CCDC57: variants seen among roughly 807,000 people sequenced by gnomAD.
CCDC57 encodes the protein coiled-coil domain-containing protein 57.
CCDC57 carries 118 observed loss-of-function variants against 118.9 expected under a neutral mutation model. The ratio of observed to expected loss-of-function variants is 0.99; its 90% CI spans 0.86 to 1.16. The LOEUF (loss-of-function observed/expected upper bound fraction) is 1.16. CCDC57 is among the 50% of genes most tolerant of loss of function. The probability of loss-of-function intolerance (pLI) is 0.00; values close to 1 mark genes in which losing one functional copy is unlikely to be tolerated. For synonymous variants in CCDC57, 527 were observed against 532.9 expected, an observed-to-expected ratio of 0.99 and a Z score of 0.15; for missense variants, 1,300 against 1,320.7, an observed-to-expected ratio of 0.98 and a Z score of 0.24.
At chr17:82,112,694 T>G (rs2035363370) in intron 19 of CCDC57, 1 of 152,484 alleles carries the variant, frequency 6.6e-6, no homozygotes. Context: ...CAGGCCCTGC[T>G]TCCCTCCCTG....
chr17:82,132,025 G>A (rs1388315964), intron 17 of CCDC57, among the ~76,000 whole-genome samples: 1 of 151,520 alleles, frequency 6.6e-6, no homozygotes, highest in Non-Finnish European at 1.5e-5. Context: ...GGCTGAGGCA[G>A]GAGAATGGCG....
chr17:82,195,074 G>A (rs1364188061), intron 5 of CCDC57, among the ~76,000 whole-genome samples, 189 bp downstream of exon 4: 4 of 152,264 alleles, frequency 2.6e-5, no homozygotes, highest in Middle Eastern at 3.2e-3. Context: ...CACCTTTGAC[G>A]GGAGTGCCCA....
At chr17:82,198,467 A>G (rs1472336211) in intron 3 of CCDC57, 45 bp from the exon 3 acceptor site, 2 of 1,294,158 alleles carry the variant, frequency 1.5e-6, no homozygotes, top group Non-Finnish European at 2.2e-6. Flanking sequence ...CCAAATATTC[A>G]GCAAAGGTAA....
intron 16 of CCDC57, chr17:82,135,054 T>C (rs2038953221): frequency 6.6e-6 from 1 of 152,210 alleles, no homozygotes; most frequent in South Asian, 2.1e-4. Flanking sequence ...AACAAGGTTT[T>C]TGGAGGGTGT....
intron 8 of CCDC57, among the ~76,000 whole-genome samples, chr17:82,185,391 G>A (rs1218283685): frequency 6.6e-6 from 1 of 152,050 alleles, no homozygotes; most frequent in Non-Finnish European, 1.5e-5. Context: ...GCCGAGGCAG[G>A]CAGACTGCTT....
intron 17 of CCDC57, among the ~76,000 whole-genome samples, chr17:82,132,758 GC>G (rs2038592442): frequency 2.5e-5 from 2 of 79,528 alleles, no homozygotes; most frequent in South Asian, 5.1e-4. Context: ...AGACAACCTT[GC>G]TTTTTTTTTT....
At chr17:82,128,213 T>G (rs1459099852) in intron 18 of CCDC57, among the ~76,000 whole-genome samples, 1 of 152,078 alleles carries the variant, frequency 6.6e-6, no homozygotes, top group Non-Finnish European at 1.5e-5. Context: ...TGAGCTGAAA[T>G]GCAGGGCAGA....
chr17:82,114,181 C>T (rs910519437), intron 19 of CCDC57, among the ~76,000 whole-genome samples: 20 of 152,216 alleles, frequency 1.3e-4, no homozygotes, highest in Admixed American at 8.5e-4. Flanking sequence ...TCACTGTCCC[C>T]GTTTCTTAAC....
At chr17:82,168,674 A>G (rs2146201664) in intron 13 of CCDC57, among the ~76,000 whole-genome samples, 1 of 152,296 alleles carries the variant, frequency 6.6e-6, no homozygotes, top group Non-Finnish European at 1.5e-5. Context: ...TACCACGCGA[A>G]TGCTAATCAA....
chr17:82,138,797 C>A (rs145411735), intron 16 of CCDC57, among the ~76,000 whole-genome samples: 1 of 151,896 alleles, frequency 6.6e-6, no homozygotes, highest in African/African-American at 2.4e-5. Flanking sequence ...TCCCGGGTGC[C>A]CACGGCGCTT....
chr17:82,201,758 C>T (rs372764438), exon 3 of CCDC57: 1 of 1,613,744 alleles, frequency 6.2e-7, no homozygotes, highest in Non-Finnish European at 8.5e-7. Context: ...TCCTCCAGCA[C>T]CTGAAGGTTG....
intron 16 of CCDC57, among the ~76,000 whole-genome samples, chr17:82,150,565 A>C (rs1369434655): frequency 1.9e-5 from 1 of 52,166 alleles, no homozygotes; most frequent in Non-Finnish European, 3.4e-5. Context: ...ACCCAGAACC[A>C]GGCGCACACT....
intron 4 of CCDC57, among the ~76,000 whole-genome samples, chr17:82,195,623 AAAAAG>A (rs919468106): frequency 6.6e-5 from 10 of 152,194 alleles, no homozygotes; most frequent in Non-Finnish European, 1.5e-4. Context: ...TACAGAAAAA[AAAAAG>A]AAAAGAAAAA....
intron 3 of CCDC57, among the ~76,000 whole-genome samples, chr17:82,199,295 T>C (rs1474139675): frequency 6.6e-6 from 1 of 151,398 alleles, no homozygotes; most frequent in Admixed American, 6.6e-5. Context: ...CTGGCCAACA[T>C]GGTGAAACCC....
intron 9 of CCDC57, 123 bp from the exon 9 acceptor site, chr17:82,179,312 G>A (rs979880126): frequency 3.8e-6 from 4 of 1,048,542 alleles, no homozygotes; most frequent in Non-Finnish European, 5.4e-6. Context: ...GGCCTGCGCT[G>A]GGCTGACATG....
chr17:82,152,006 T>C, intron 15 of CCDC57: 1 of 538,536 alleles, frequency 1.9e-6, no homozygotes, highest in Non-Finnish European at 3.3e-6. Flanking sequence ...CAGGCCAGGG[T>C]GGCCCCCAGA....
Position 82,201,527 on chromosome 17 carries a change from C to T in CCDC57, c.407+11G>A, listed in dbSNP as rs11657459. 1.5e-5 allele frequency: 24 copies of T among 1,584,088 alleles called. No homozygotes were observed. The highest frequency in any genetic ancestry group is 1.3e-4 in the African/African-American group (10 of 74,418). ...GCACTGCACAGGAGGGCGCGTCGGT[C>T]GGTGGCTCACCTGTGGACGCGCTCC... On this transcript the variant is annotated intron_variant, in intron 3 of 19. Coordinates refer to ENST00000665763, the Ensembl canonical transcript of CCDC57.
chr17:82,207,347 A>C (rs914574810), intron 2 of CCDC57, among the ~76,000 whole-genome samples: 1 of 152,082 alleles, frequency 6.6e-6, no homozygotes, highest in Non-Finnish European at 1.5e-5. Flanking sequence ...ATAAAAAAAA[A>C]AAAACAAAAA....
intron 7 of CCDC57, among the ~76,000 whole-genome samples, chr17:82,193,091 T>A (rs2047872420): frequency 6.6e-6 from 1 of 152,080 alleles, no homozygotes; most frequent in Non-Finnish European, 1.5e-5. Context: ...CAGGGTCTCA[T>A]TCTATGGCCC....
Sources: allele counts gnomAD v4.1 joint callset (sites outside exome capture counted in the v4.1 genomes callset), GRCh38; gene constraint gnomAD v4.1.1; transcripts MANE v1.5; gene names NCBI Gene and HGNC (gene_info 2026-07-23, HGNC 2026-07-21).